Variants in TASP1 observed in about 807,000 individuals in gnomAD.
TASP1 encodes the protein threonine aspartase 1.
TASP1 carries 16 observed loss-of-function variants against 56.6 expected under a neutral mutation model. The ratio of observed to expected loss-of-function variants is 0.28; its 90% CI spans 0.19 to 0.43. The LOEUF is 0.43. Ranked by LOEUF, TASP1 falls within the 20% of genes least tolerant of loss-of-function variation. The pLI is 1.00. For synonymous variants in TASP1, 179 were observed against 184.2 expected (o/e 0.97, Z 0.23); for missense variants, 393 against 511.6 (o/e 0.77, Z 2.24).
At chr20:13,305,432 CAA>C in the TASP1 span, among the ~76,000 whole-genome samples, 12 of 152,080 alleles carry the variant, frequency 7.9e-5, no homozygotes, top group Non-Finnish European at 1.6e-4. Context: ...TCCCGACACA[CAA>C]AGAGTTATGA....
chr20:13,199,741 G>C, the TASP1 span, among the ~76,000 whole-genome samples: 1 of 152,304 alleles, frequency 6.6e-6, no homozygotes, highest in South Asian at 2.1e-4. Flanking sequence ...GGGATACAAA[G>C]GAAATGAAGA....
chr20:13,475,509 TGAA>T (rs1247354998), intron 11 of TASP1, among the ~76,000 whole-genome samples: 1 of 152,198 alleles, frequency 6.6e-6, no homozygotes, highest in African/African-American at 2.4e-5. Flanking sequence ...TTGAAATGAA[TGAA>T]TATTTTTCCA....
chr20:13,539,542 A>G (rs1361359875), intron 8 of TASP1, among the ~76,000 whole-genome samples: 1 of 152,188 alleles, frequency 6.6e-6, no homozygotes, highest in Non-Finnish European at 1.5e-5. Context: ...AGAGTAAGAC[A>G]CTATCTCTAA....
At chr20:13,597,539 A>G (rs1052553551) in intron 4 of TASP1, among the ~76,000 whole-genome samples, 4 of 152,208 alleles carry the variant, frequency 2.6e-5, no homozygotes, top group Non-Finnish European at 5.9e-5. Context: ...TCTCAAAATA[A>G]TAAGAGTTAT....
At chr20:13,217,260 G>C in the TASP1 span, among the ~76,000 whole-genome samples, 2 of 152,122 alleles carry the variant, frequency 1.3e-5, no homozygotes, top group African/African-American at 4.8e-5. Flanking sequence ...ATGCAGGTAA[G>C]ACAAGATTGG....
intron 13 of TASP1, chr20:13,392,589 T>G: frequency 2.8e-6 from 1 of 354,204 alleles, no homozygotes; most frequent in Non-Finnish European, 5.5e-6. Flanking sequence ...AGGGCTATGT[T>G]TATGTAAACA....
At chr20:13,221,710 T>A in the TASP1 span, 1 of 1,278,778 alleles carries the variant, frequency 7.8e-7, no homozygotes, top group Admixed American at 3.9e-5. Context: ...CTACTCCTCC[T>A]CCCCCGGCGT....
the TASP1 span, among the ~76,000 whole-genome samples, chr20:13,287,054 C>T: frequency 9.9e-5 from 15 of 151,282 alleles, no homozygotes; most frequent in African/African-American, 3.6e-4. Flanking sequence ...ACCCAGTGAC[C>T]TTGAACCAGG....
At chr20:13,583,957 T>C (rs1008854443) in intron 5 of TASP1, among the ~76,000 whole-genome samples, 1 of 152,236 alleles carries the variant, frequency 6.6e-6, no homozygotes, top group Middle Eastern at 3.4e-3. Flanking sequence ...CACACACCTG[T>C]TATCCCAGTT....
chr20:13,187,671 C>T, the TASP1 span, among the ~76,000 whole-genome samples: 1 of 142,576 alleles, frequency 7.0e-6, no homozygotes, highest in Non-Finnish European at 1.5e-5. Flanking sequence ...TCACTTGAAC[C>T]TGGGAGGCGG....
the TASP1 span, among the ~76,000 whole-genome samples, chr20:13,259,186 C>T: frequency 2.6e-5 from 4 of 151,524 alleles, no homozygotes; most frequent in Non-Finnish European, 5.9e-5. Flanking sequence ...GAGGCTGAGG[C>T]AGGAGAATCG....
At chr20:13,269,167 C>T in the TASP1 span, among the ~76,000 whole-genome samples, 1 of 152,128 alleles carries the variant, frequency 6.6e-6, no homozygotes, top group Non-Finnish European at 1.5e-5. Flanking sequence ...CCAAGAAAAA[C>T]AAGAACATTA....
At chr20:13,372,820 G>T in the TASP1 span, among the ~76,000 whole-genome samples, 2 of 149,704 alleles carry the variant, frequency 1.3e-5, no homozygotes, top group South Asian at 2.2e-4. Context: ...GTTGCTCTAG[G>T]GCTTACCATA....
intron 10 of TASP1, among the ~76,000 whole-genome samples, chr20:13,501,279 A>C (rs1165840808): frequency 6.6e-6 from 1 of 152,070 alleles, no homozygotes; most frequent in African/African-American, 2.4e-5. Context: ...CTTTCTTTAA[A>C]AAGAAAGCAT....
intron 10 of TASP1, among the ~76,000 whole-genome samples, chr20:13,510,949 T>C (rs1331088601): frequency 6.6e-6 from 1 of 152,134 alleles, no homozygotes; most frequent in Non-Finnish European, 1.5e-5. Flanking sequence ...ACACATCTAC[T>C]CCCTTCTCCT....
intron 8 of TASP1, among the ~76,000 whole-genome samples, chr20:13,534,385 A>C (rs1359248197): frequency 6.6e-6 from 1 of 151,936 alleles, no homozygotes; most frequent in Non-Finnish European, 1.5e-5. Context: ...CTCTAATAAT[A>C]AGGCTATAGT....
chr20:13,256,508 T>C, the TASP1 span, among the ~76,000 whole-genome samples: 1 of 151,722 alleles, frequency 6.6e-6, no homozygotes, highest in African/African-American at 2.4e-5. Flanking sequence ...CCAGCATGAC[T>C]ATTCTCAGGA....
At chr20:13,619,180 G>A (rs1475542623) in intron 4 of TASP1, among the ~76,000 whole-genome samples, 7 of 152,096 alleles carry the variant, frequency 4.6e-5, no homozygotes, top group African/African-American at 1.7e-4. Flanking sequence ...TTACAGGCAT[G>A]AGCCACCGTG....
chr20:13,588,942 GGATA>G (rs1415304763), intron 4 of TASP1, among the ~76,000 whole-genome samples: 1 of 151,850 alleles, frequency 6.6e-6, no homozygotes, highest in Non-Finnish European at 1.5e-5. Context: ...ATATAGCTAA[GGATA>G]GATATATAAA....
Sources: allele counts gnomAD v4.1 joint callset (sites outside exome capture counted in the v4.1 genomes callset), GRCh38; gene constraint gnomAD v4.1.1; transcripts MANE v1.5; gene names NCBI Gene and HGNC (gene_info 2026-07-23, HGNC 2026-07-21).